OR3A2: variants seen among roughly 807,000 people sequenced by gnomAD.
OR3A2 encodes the protein olfactory receptor 3A2.
For missense variants in OR3A2, 318 were observed against 392.8 expected, an observed-to-expected ratio of 0.81 and a Z score of 1.61; for synonymous variants, 126 against 159.3, an observed-to-expected ratio of 0.79 and a Z score of 1.57.
chr17:3,365,843 T>C lies in OR3A2; in HGVS notation c.-179+17961A>G, dbSNP rs1437988351. Among the ~76,000 whole-genome samples the C allele has an allele frequency of 3.3e-5, 5 of 152,190 alleles. No individual in the cohort carries two copies. In the East Asian group the frequency reaches 9.6e-4, roughly 29 times the overall value. On this transcript the variant is annotated intron_variant, in intron 2 of 4. Coordinates refer to the OR3A2 transcript ENST00000573491. ...ATGCAACAGAAATCAACTAGCTTGC[T>C]TATGCAAAAAGGAAAAATTTTTGGA...
chr17:3,374,557 C>A (rs1289582980), intron 2 of OR3A2, among the ~76,000 whole-genome samples: 2 of 152,162 alleles, frequency 1.3e-5, no homozygotes, highest in African/African-American at 2.4e-5. Flanking sequence ...ATTCTTTCTT[C>A]CACCTGTTTG....
chr17:3,375,720 G>A (rs2049677731), intron 2 of OR3A2, among the ~76,000 whole-genome samples: 1 of 152,070 alleles, frequency 6.6e-6, no homozygotes, highest in Non-Finnish European at 1.5e-5. Flanking sequence ...TTCTCATTTG[G>A]GTAGACTGTT....
At chr17:3,333,651 T>C (rs1057498955) in intron 3 of OR3A2, among the ~76,000 whole-genome samples, 9 of 152,050 alleles carry the variant, frequency 5.9e-5, no homozygotes, top group Non-Finnish European at 8.8e-5. Context: ...TTAGGGAAAA[T>C]AGAAAGAACC....
At chr17:3,353,064 CT>C (rs368408336) in intron 2 of OR3A2, among the ~76,000 whole-genome samples, 18 of 148,582 alleles carry the variant, frequency 1.2e-4, no homozygotes, top group African/African-American at 3.9e-4. Context: ...AGATATGCTA[CT>C]TTTTTTATGT....
chr17:3,385,604 AAAG>A (rs1343019699), intron 1 of OR3A2, among the ~76,000 whole-genome samples: 4 of 152,178 alleles, frequency 2.6e-5, no homozygotes, highest in African/African-American at 7.2e-5. Flanking sequence ...TTTCCTCATT[AAAG>A]AAGAAGAAAC....
chr17:3,282,322 C>T (rs1312700183), intron 1 of OR3A2, among the ~76,000 whole-genome samples: 1 of 152,226 alleles, frequency 6.6e-6, no homozygotes, highest in Non-Finnish European at 1.5e-5. Flanking sequence ...AGGAGAATCA[C>T]TTGAACCCGG....
chr17:3,327,878 G>A (rs1813935654), intron 3 of OR3A2, among the ~76,000 whole-genome samples: 1 of 133,460 alleles, frequency 7.5e-6, no homozygotes, highest in Non-Finnish European at 1.6e-5. Flanking sequence ...GACATGCGGT[G>A]TTATTTCTGA....
At chr17:3,282,146 G>A (rs1360263897) in intron 1 of OR3A2, among the ~76,000 whole-genome samples, 1 of 152,162 alleles carries the variant, frequency 6.6e-6, no homozygotes, top group Non-Finnish European at 1.5e-5. Flanking sequence ...CAGGTGCAGT[G>A]GCTCACACCT....
chr17:3,374,090 T>C (rs1040896841), intron 2 of OR3A2, among the ~76,000 whole-genome samples: 3 of 152,202 alleles, frequency 2.0e-5, no homozygotes, highest in Non-Finnish European at 4.4e-5. Flanking sequence ...AATTCTTGGC[T>C]GATAATTTTG....
At chr17:3,280,765 C>G (rs561430352) in intron 1 of OR3A2, among the ~76,000 whole-genome samples, 31 of 152,254 alleles carry the variant, frequency 2.0e-4, no homozygotes, top group African/African-American at 7.5e-4. Context: ...AATGCAGAGG[C>G]AGGAATGATT....
chr17:3,322,655 G>T (rs527448868), intron 3 of OR3A2, among the ~76,000 whole-genome samples: 63 of 152,286 alleles, frequency 4.1e-4, no homozygotes, highest in African/African-American at 1.3e-3. Flanking sequence ...GGAGCAGGTT[G>T]TTCAGTTTCC....
chr17:3,351,776 C>T (rs2049422105), intron 2 of OR3A2, among the ~76,000 whole-genome samples: 1 of 152,092 alleles, frequency 6.6e-6, no homozygotes, highest in Admixed American at 6.6e-5. Flanking sequence ...TACCTGACTT[C>T]CAACTATACT....
intron 3 of OR3A2, among the ~76,000 whole-genome samples, chr17:3,302,706 C>T (rs2048974490): frequency 6.6e-6 from 1 of 152,170 alleles, no homozygotes; most frequent in Non-Finnish European, 1.5e-5. Flanking sequence ...CATGCCTCCA[C>T]CTGCAGGATG....
At chr17:3,277,791 A>C (rs1490074234) in exon 2 of OR3A2, 1 of 664,090 alleles carries the variant, frequency 1.5e-6, no homozygotes, top group African/African-American at 1.8e-5. Context: ...GTACTCTAAT[A>C]AGTATTTGTT....
intron 2 of OR3A2, among the ~76,000 whole-genome samples, chr17:3,360,438 A>C (rs900521083): frequency 4.0e-5 from 6 of 151,592 alleles, no homozygotes; most frequent in African/African-American, 4.9e-5. Context: ...CCCAGTTGTC[A>C]ATTTTGGCTT....
At chr17:3,283,945 G>T in intron 1 of OR3A2, among the ~76,000 whole-genome samples, 1 of 141,626 alleles carries the variant, frequency 7.1e-6, no homozygotes, top group Non-Finnish European at 1.5e-5. Context: ...GGGTCCCCAC[G>T]AGGCCCACTG....
chr17:3,370,231 A>G (rs1422119184), intron 2 of OR3A2, among the ~76,000 whole-genome samples: 2 of 151,966 alleles, frequency 1.3e-5, no homozygotes, highest in Non-Finnish European at 2.9e-5. Context: ...TTCAGTTTCT[A>G]TTTCTTCCTG....
chr17:3,344,890 G>T (rs1397145604), intron 2 of OR3A2, among the ~76,000 whole-genome samples: 1 of 152,180 alleles, frequency 6.6e-6, no homozygotes, highest in Non-Finnish European at 1.5e-5. Context: ...CCTGTAATGG[G>T]AAGAGCAGTA....
chr17:3,279,749 T>C (rs988365999), intron 1 of OR3A2, among the ~76,000 whole-genome samples: 4 of 152,072 alleles, frequency 2.6e-5, no homozygotes, highest in East Asian at 1.9e-4. Context: ...GACTGCACCA[T>C]TGTACTCCAG....
Sources: allele counts gnomAD v4.1 joint callset (sites outside exome capture counted in the v4.1 genomes callset), GRCh38; gene constraint gnomAD v4.1.1; transcripts MANE v1.5; gene names NCBI Gene and HGNC (gene_info 2026-07-23, HGNC 2026-07-21).